TMEM232: variants seen among roughly 807,000 people sequenced by gnomAD.
TMEM232 encodes the protein transmembrane protein 232.
Under a neutral mutation model 78.8 loss-of-function variants are expected in TMEM232, and 80 were observed. The ratio of observed to expected loss-of-function variants is 1.01; its 90% CI spans 0.85 to 1.22. TMEM232 has a LOEUF of 1.22. Among genes scored for constraint, TMEM232 ranks in the 50% most tolerant of loss-of-function variants. The probability of loss-of-function intolerance (pLI) is 0.00; values close to 1 mark genes in which losing one functional copy is unlikely to be tolerated. For synonymous variants in TMEM232, 297 were observed against 254.3 expected (o/e 1.17, Z -1.60); for missense variants, 881 against 742.2 (o/e 1.19, Z -2.17).
At chr5:110,541,049 C>T (rs1408595893) in intron 11 of TMEM232, among the ~76,000 whole-genome samples, 1 of 152,104 alleles carries the variant, frequency 6.6e-6, no homozygotes, top group Admixed American at 6.6e-5. Flanking sequence ...AATACAGGAG[C>T]AAGGGGAACA....
intron 1 of TMEM232, among the ~76,000 whole-genome samples, chr5:110,708,279 T>C (rs573941030): frequency 1.3e-5 from 2 of 152,232 alleles, no homozygotes; most frequent in East Asian, 3.9e-4. Flanking sequence ...AAAAAGACTT[T>C]CCAAGGCAAA....
chr5:110,714,452 G>T (rs1485569972), intron 1 of TMEM232, among the ~76,000 whole-genome samples: 2 of 152,108 alleles, frequency 1.3e-5, no homozygotes, highest in African/African-American at 4.8e-5. Flanking sequence ...GCCTTGTATA[G>T]CCCACTCGAG....
chr5:110,525,263 A>G (rs897661473), intron 12 of TMEM232, among the ~76,000 whole-genome samples: 20 of 151,944 alleles, frequency 1.3e-4, no homozygotes, highest in African/African-American at 4.1e-4. Flanking sequence ...GCTAAAGTAT[A>G]AAAATCAGGA....
downstream of TMEM232, among the ~76,000 whole-genome samples, chr5:110,416,540 T>G (rs1982813): frequency 6.6e-6 from 1 of 152,192 alleles, no homozygotes; most frequent in African/African-American, 2.4e-5. Context: ...GGATAACGTT[T>G]GAAAGCAACC....
chr5:110,447,024 A>G, intron 12 of TMEM232, among the ~76,000 whole-genome samples: 1 of 151,968 alleles, frequency 6.6e-6, no homozygotes, highest in East Asian at 1.9e-4. Flanking sequence ...ATATGAAAGC[A>G]GGCAGACCTC....
intron 11 of TMEM232, among the ~76,000 whole-genome samples, chr5:110,554,957 TGATCATTTGTATG>T (rs1489310679): frequency 6.6e-6 from 1 of 152,142 alleles, no homozygotes; most frequent in East Asian, 1.9e-4. Flanking sequence ...GAGGTTTTGT[TGATCATTTGTATG>T]GATTTTTGAG....
intron 12 of TMEM232, among the ~76,000 whole-genome samples, chr5:110,518,259 A>T (rs1248844499): frequency 4.6e-5 from 7 of 151,360 alleles, no homozygotes; most frequent in Admixed American, 4.0e-4. Flanking sequence ...TGCTTTTGTT[A>T]ACATTGATTT....
At chr5:110,606,129 C>A (rs749053534) in intron 9 of TMEM232, 35 bp downstream of exon 9, 1 of 1,513,878 alleles carries the variant, frequency 6.6e-7, no homozygotes, top group Non-Finnish European at 8.9e-7. Context: ...TGTTTCTCTT[C>A]GGTTCTCTTT....
chr5:110,670,122 T>G (rs2150141065), intron 1 of TMEM232, among the ~76,000 whole-genome samples: 1 of 152,320 alleles, frequency 6.6e-6, no homozygotes, highest in South Asian at 2.1e-4. Flanking sequence ...GTGTTGGAAG[T>G]TCTGGCCAGG....
chr5:110,502,654 A>C (rs571632265), intron 12 of TMEM232, among the ~76,000 whole-genome samples: 1 of 152,298 alleles, frequency 6.6e-6, no homozygotes, highest in South Asian at 2.1e-4. Flanking sequence ...GTCTGGCTTC[A>C]ATATGCGAAC....
intron 12 of TMEM232, among the ~76,000 whole-genome samples, chr5:110,426,901 A>G (rs1757301317): frequency 6.6e-6 from 1 of 152,060 alleles, no homozygotes; most frequent in African/African-American, 2.4e-5. Flanking sequence ...TAAGGTTAAA[A>G]GTGTTCAAGC....
At chr5:110,496,216 C>T (rs1048605265) in intron 12 of TMEM232, among the ~76,000 whole-genome samples, 3 of 151,806 alleles carry the variant, frequency 2.0e-5, no homozygotes, top group Non-Finnish European at 2.9e-5. Flanking sequence ...GTTAGGTATA[C>T]TGAATTTACT....
intron 10 of TMEM232, among the ~76,000 whole-genome samples, chr5:110,603,260 G>A (rs1352167536): frequency 2.0e-5 from 3 of 151,782 alleles, no homozygotes; most frequent in African/African-American, 7.3e-5. Context: ...TAACAAGCCT[G>A]CAAGTTCTAC....
intron 12 of TMEM232, among the ~76,000 whole-genome samples, chr5:110,434,376 A>C (rs917742966): frequency 2.6e-5 from 4 of 151,694 alleles, no homozygotes; most frequent in African/African-American, 4.8e-5. Flanking sequence ...GAAATGAATA[A>C]ATTCCTAGAA....
chr5:110,433,980 G>A lies in TMEM232; in HGVS notation c.1704-9064C>T, dbSNP rs370222761. 2.6e-5 allele frequency among the ~76,000 whole-genome samples: 4 copies of A among 151,990 alleles called. No individual in the cohort carries two copies. In the South Asian group the frequency reaches 8.3e-4, roughly 32 times the overall value. ...CTTTGCCAGATTTTGGTATCAGGAT[G>A]ATACTAGTATTATAGAATGAGTTAA... On this transcript the variant is annotated intron_variant, in intron 12 of 13. Transcript: ENST00000455884.
intron 12 of TMEM232, among the ~76,000 whole-genome samples, chr5:110,477,281 A>G (rs1304476860): frequency 6.6e-6 from 1 of 151,900 alleles, no homozygotes; most frequent in Non-Finnish European, 1.5e-5. Context: ...GCACCAAACT[A>G]TCTTTAACCA....
chr5:110,426,608 A>AAT (rs1757257970), intron 12 of TMEM232, among the ~76,000 whole-genome samples: 1 of 152,052 alleles, frequency 6.6e-6, no homozygotes, highest in Non-Finnish European at 1.5e-5. Context: ...TGGAAGTTAC[A>AAT]GGCAACCAGG....
At chr5:110,618,287 T>A in intron 8 of TMEM232, 142 bp downstream of exon 8, 1 of 1,000,842 alleles carries the variant, frequency 1.0e-6, no homozygotes, top group Non-Finnish European at 1.4e-6. Flanking sequence ...ACATGTAAAT[T>A]GCCATTGCCT....
At chr5:110,613,052 G>T (rs1043026566) in intron 8 of TMEM232, among the ~76,000 whole-genome samples, 2 of 152,090 alleles carry the variant, frequency 1.3e-5, no homozygotes, top group Non-Finnish European at 2.9e-5. Flanking sequence ...CAGCTGGGAG[G>T]GGACTCCTGC....
Sources: allele counts gnomAD v4.1 joint callset (sites outside exome capture counted in the v4.1 genomes callset), GRCh38; gene constraint gnomAD v4.1.1; transcripts MANE v1.5; gene names NCBI Gene and HGNC (gene_info 2026-07-23, HGNC 2026-07-21).